Variants in TMEM242 observed in about 807,000 individuals in gnomAD.
The protein encoded by TMEM242 is transmembrane protein 242.
In TMEM242, 10 loss-of-function variants were observed where a neutral mutation model predicts 18.2. That is an observed-to-expected ratio of 0.55 (90% confidence interval 0.34 to 0.93). The LOEUF (loss-of-function observed/expected upper bound fraction) is 0.93. Ranked by LOEUF, TMEM242 falls within the 40% of genes least tolerant of loss-of-function variation. TMEM242 has a pLI of 0.02. For missense variants in TMEM242, 186 were observed against 175.5 expected, an observed-to-expected ratio of 1.06 and a Z score of -0.34; for synonymous variants, 57 against 69.9, an observed-to-expected ratio of 0.81 and a Z score of 0.92.
At chr6:157,312,858 CAT>C (rs1778223422) in intron 3 of TMEM242, among the ~76,000 whole-genome samples, 3 of 151,992 alleles carry the variant, frequency 2.0e-5, no homozygotes, top group African/African-American at 4.8e-5. Flanking sequence ...CTGGCCTCAT[CAT>C]AGTGTCCCAG....
At chr6:157,308,303 G>T (rs1242268001) in intron 3 of TMEM242, among the ~76,000 whole-genome samples, 1 of 152,156 alleles carries the variant, frequency 6.6e-6, no homozygotes, top group East Asian at 1.9e-4. Context: ...TTAGCAAGGA[G>T]CCAAAAGAAA....
intron 3 of TMEM242, chr6:157,300,012 G>A (rs1417556994): frequency 1.7e-6 from 2 of 1,208,386 alleles, no homozygotes; most frequent in African/African-American, 3.0e-5. Context: ...GGGGTGAAGA[G>A]CCAGGCGCCC....
rs1778450421 is a variant in TMEM242 at position 157,318,877 on chromosome 6, G to T, written c.232C>A (p.Leu78Ile). Residue 78 changes from leucine (L) to isoleucine (I), a missense_variant, in exon 3 of 4, where the codon CTT becomes ATT. Coordinates refer to ENST00000400788, the MANE Select transcript of TMEM242 (RefSeq NM_018452.6). The stretch of plus-strand genomic sequence containing the variant: ...CCCCAGCCCAGAGCTCGCAAGGCAA[G>T]GGAAGACCCGCTTTCCGGTAATGCA... ...TAALPESGSSLALRALGWGSL... is the reference protein window; with the variant it reads ...TAALPESGSSIALRALGWGSL... The T allele has an allele frequency of 6.2e-7, 1 of 1,611,206 alleles. No individual in the cohort carries two copies. Among genetic ancestry groups the T allele is most frequent in the Non-Finnish European group, 8.5e-7 (1 of 1,179,234 alleles).
intron 3 of TMEM242, among the ~76,000 whole-genome samples, chr6:157,300,441 C>T (rs1314747535): frequency 1.3e-5 from 2 of 152,252 alleles, no homozygotes; most frequent in African/African-American, 4.8e-5. Context: ...TACTAGTTTT[C>T]TATTTTTAGT....
chr6:157,320,735 T>G (rs1554250663), intron 2 of TMEM242, among the ~76,000 whole-genome samples: 1 of 152,168 alleles, frequency 6.6e-6, no homozygotes, highest in African/African-American at 2.4e-5. Flanking sequence ...CCTCCCAAAG[T>G]GCTGGGATAA....
chr6:157,321,165 G>A (rs782762050), intron 2 of TMEM242, among the ~76,000 whole-genome samples: 2 of 151,730 alleles, frequency 1.3e-5, no homozygotes, highest in Middle Eastern at 3.4e-3. Context: ...CCCGCCACCC[G>A]CCCAGTTAAT....
At chr6:157,300,618 G>A (rs1156877366) in intron 3 of TMEM242, among the ~76,000 whole-genome samples, 8 of 152,216 alleles carry the variant, frequency 5.3e-5, no homozygotes, top group African/African-American at 1.9e-4. Context: ...CTGGTGTATG[G>A]CGCCGGAGGC....
At position 157,323,462 on chromosome 6, in the gene TMEM242, G is replaced by C; in HGVS notation, c.38C>G (p.Ser13Cys). 3.7e-6 allele frequency: 6 copies of C among 1,614,062 alleles called. No homozygotes were observed. Among genetic ancestry groups the C allele is most frequent in the Non-Finnish European group, 5.1e-6 (6 of 1,179,968 alleles). ...CGTGGACCCCGGAGCCTCCAGCCCA[G>C]AGGCCGGCTGCCCAGTTGCAGCGCC... ...TAGAATGQPA[S>C]GLEAPGSTND... Residue 13 changes from serine (S) to cysteine (C), a missense_variant, in exon 1 of 4, where the codon TCT becomes TGT. Transcript: ENST00000400788.
At chr6:157,295,268 G>A (rs376809481) in intron 3 of TMEM242, among the ~76,000 whole-genome samples, 4 of 152,132 alleles carry the variant, frequency 2.6e-5, no homozygotes, top group African/African-American at 9.7e-5. Context: ...GCTCATGGAT[G>A]TCTCCCTCCC....
At position 157,289,722 on chromosome 6, in the gene TMEM242, T is replaced by C. The variant is rs1363290741; in HGVS notation, c.*3179A>G. The C allele has an allele frequency of 6.6e-6, 1 of 151,602 alleles. No individual in the cohort carries two copies. The highest frequency in any genetic ancestry group is 1.5e-5 in the Non-Finnish European group (1 of 67,866). 9.4% of individuals were successfully genotyped at this position (151,602 alleles called of 1,614,324 possible). A position where few individuals can be genotyped will look rare whatever the true frequency, so the allele number is the denominator to read the frequency against. On this transcript the variant is annotated 3_prime_UTR_variant, in exon 4 of 4. Coordinates refer to ENST00000400788, the MANE Select transcript of TMEM242 (RefSeq NM_018452.6). ...CACCCCCACCTTAATTTCTTCTATTTTCCCCTTAGATTGCAATGATTAATT... is the reference window on the plus strand; with the variant it reads ...CACCCCCACCTTAATTTCTTCTATTCTCCCCTTAGATTGCAATGATTAATT...
At chr6:157,314,411 C>A (rs1470354600) in intron 3 of TMEM242, among the ~76,000 whole-genome samples, 2 of 7,590 alleles carry the variant, frequency 2.6e-4, no homozygotes, top group African/African-American at 4.5e-4. Flanking sequence ...GACTACAAAC[C>A]CAAAGTAAAT....
intron 2 of TMEM242, among the ~76,000 whole-genome samples, chr6:157,320,076 T>C (rs1778468143): frequency 6.6e-6 from 1 of 152,226 alleles, no homozygotes. Flanking sequence ...CTTAGACTGG[T>C]GCTTGCTCAG....
intron 3 of TMEM242, among the ~76,000 whole-genome samples, chr6:157,296,376 G>A (rs1554247181): frequency 6.6e-6 from 1 of 152,130 alleles, no homozygotes; most frequent in African/African-American, 2.4e-5. Context: ...ACACCTCCAG[G>A]GGGTGCTTTC....
chr6:157,315,030 G>A (rs1159331889), intron 3 of TMEM242, among the ~76,000 whole-genome samples: 2 of 152,146 alleles, frequency 1.3e-5, no homozygotes, highest in African/African-American at 4.8e-5. Context: ...ATTTTATCTA[G>A]AATGATCATC....
chr6:157,310,354 G>T (rs587624207), intron 3 of TMEM242, among the ~76,000 whole-genome samples: 28 of 128 alleles, frequency 0.22, 1 homozygote, highest in African/African-American at 0.36. Flanking sequence ...TAAAACAACT[G>T]AATCATAGCA....
intron 3 of TMEM242, among the ~76,000 whole-genome samples, chr6:157,303,170 T>A (rs1554247638): frequency 6.6e-6 from 1 of 152,196 alleles, no homozygotes; most frequent in Non-Finnish European, 1.5e-5. Context: ...TACCAGCATA[T>A]CCCTGTCCTC....
At chr6:157,310,734 T>G (rs1554248416) in intron 3 of TMEM242, among the ~76,000 whole-genome samples, 3 of 131,772 alleles carry the variant, frequency 2.3e-5, no homozygotes, top group Admixed American at 7.7e-5. Context: ...AGCCTCATCA[T>G]AGTGTCCCAG....
chr6:157,316,112 T>A (rs1778385378), intron 3 of TMEM242, among the ~76,000 whole-genome samples: 1 of 152,228 alleles, frequency 6.6e-6, no homozygotes. Context: ...TTACTAAGTT[T>A]GTGACCCACA....
intron 3 of TMEM242, among the ~76,000 whole-genome samples, chr6:157,310,636 G>A (rs1778004075): frequency 6.6e-6 from 1 of 151,878 alleles, no homozygotes; most frequent in African/African-American, 2.4e-5. Context: ...TCATCATAGT[G>A]TCCCAGTGTT....
Sources: allele counts gnomAD v4.1 joint callset (sites outside exome capture counted in the v4.1 genomes callset), GRCh38; gene constraint gnomAD v4.1.1; transcripts MANE v1.5; gene names NCBI Gene and HGNC (gene_info 2026-07-23, HGNC 2026-07-21).